DLG2: variants seen among roughly 807,000 people sequenced by gnomAD.
DLG2 encodes disks large homolog 2.
In DLG2, 45 loss-of-function variants were observed where a neutral mutation model predicts 132.5. That is an observed-to-expected ratio of 0.34 (90% CI 0.27 to 0.44). The LOEUF is 0.44. DLG2 is among the 20% of genes least tolerant of loss of function. The probability of loss-of-function intolerance (pLI) is 1.00; values close to 1 mark genes in which losing one functional copy is unlikely to be tolerated. For synonymous variants in DLG2, 424 were observed against 419.6 expected (o/e 1.01, Z -0.13); for missense variants, 1,045 against 1,196.9 (o/e 0.87, Z 1.87).
At chr11:85,214,003 C>T (rs2082413829) in intron 4 of DLG2, among the ~76,000 whole-genome samples, 1 of 152,138 alleles carries the variant, frequency 6.6e-6, no homozygotes, top group Admixed American at 6.6e-5. Context: ...ATAAGCTCTG[C>T]ATCTTACCTG....
At chr11:84,756,166 G>C (rs542272706) in intron 6 of DLG2, among the ~76,000 whole-genome samples, 2 of 152,236 alleles carry the variant, frequency 1.3e-5, no homozygotes, top group Admixed American at 6.5e-5. Context: ...TAACTAACTT[G>C]TAATAATTAT....
chr11:84,254,642 TGTTTA>T (rs2097436610), intron 7 of DLG2, among the ~76,000 whole-genome samples: 1 of 151,904 alleles, frequency 6.6e-6, no homozygotes, highest in African/African-American at 2.4e-5. Flanking sequence ...TTTCTTTCTT[TGTTTA>T]GTTACTATTA....
chr11:84,001,917 C>A (rs1023985519), intron 11 of DLG2, among the ~76,000 whole-genome samples: 2 of 151,948 alleles, frequency 1.3e-5, no homozygotes, highest in African/African-American at 4.8e-5. Context: ...ATACAACATA[C>A]CAAAATCTGT....
At chr11:85,473,014 C>G (rs756217700) in intron 3 of DLG2, among the ~76,000 whole-genome samples, 1 of 152,246 alleles carries the variant, frequency 6.6e-6, no homozygotes, top group African/African-American at 2.4e-5. Context: ...TTGCTGGCAT[C>G]TCCAAGTTTT....
At chr11:83,782,843 T>C (rs2094890362) in intron 18 of DLG2, among the ~76,000 whole-genome samples, 1 of 151,968 alleles carries the variant, frequency 6.6e-6, no homozygotes, top group African/African-American at 2.4e-5. Flanking sequence ...AAGGGGAAGG[T>C]TTCTGGGAAG....
chr11:84,623,254 C>T (rs769320430), intron 6 of DLG2, among the ~76,000 whole-genome samples: 9 of 151,960 alleles, frequency 5.9e-5, no homozygotes, highest in East Asian at 1.9e-4. Flanking sequence ...GGATAATCAA[C>T]GTAATGACCC....
At chr11:83,641,211 T>C (rs2066405823) in intron 18 of DLG2, among the ~76,000 whole-genome samples, 2 of 152,174 alleles carry the variant, frequency 1.3e-5, no homozygotes, top group Admixed American at 1.3e-4. Context: ...GTAAGTCTTA[T>C]AATCAATGAA....
chr11:85,063,406 T>C (rs1209444692), intron 6 of DLG2, among the ~76,000 whole-genome samples: 1 of 151,902 alleles, frequency 6.6e-6, no homozygotes, highest in Admixed American at 6.6e-5. Flanking sequence ...TGTACTTTTT[T>C]CTATTTTCCC....
At chr11:84,313,561 GGA>G (rs1195965062) in intron 7 of DLG2, among the ~76,000 whole-genome samples, 4 of 129,970 alleles carry the variant, frequency 3.1e-5, no homozygotes, top group Non-Finnish European at 5.0e-5. Context: ...AGGGAGGGAG[GGA>G]GGAGAGAGAG....
At chr11:85,467,269 A>C (rs908108770) in intron 3 of DLG2, among the ~76,000 whole-genome samples, 1 of 152,160 alleles carries the variant, frequency 6.6e-6, no homozygotes. Flanking sequence ...GGACAATTTG[A>C]CTTCCTCTTT....
chr11:85,547,599 T>G (rs2076414683), intron 3 of DLG2, among the ~76,000 whole-genome samples: 2 of 152,210 alleles, frequency 1.3e-5, no homozygotes, highest in South Asian at 4.1e-4. Flanking sequence ...GGTTCCATTC[T>G]CCTTGTCACT....
intron 7 of DLG2, among the ~76,000 whole-genome samples, chr11:84,365,250 T>C (rs1174027491): frequency 1.3e-5 from 2 of 152,212 alleles, no homozygotes; most frequent in Non-Finnish European, 2.9e-5. Context: ...GGAGAGTGTA[T>C]GTGCCGAGGA....
intron 6 of DLG2, among the ~76,000 whole-genome samples, chr11:84,585,693 C>T (rs1183732083): frequency 6.6e-6 from 1 of 152,152 alleles, no homozygotes; most frequent in Non-Finnish European, 1.5e-5. Context: ...GTTTATACAT[C>T]CTTTTTTGCA....
At chr11:84,332,209 T>C (rs1000236605) in intron 7 of DLG2, among the ~76,000 whole-genome samples, 9 of 151,100 alleles carry the variant, frequency 6.0e-5, no homozygotes, top group Non-Finnish European at 1.3e-4. Context: ...TTGTCCTTTT[T>C]TTTTTTTTTT....
intron 8 of DLG2, among the ~76,000 whole-genome samples, chr11:84,182,448 G>C (rs1040829165): frequency 6.6e-6 from 1 of 151,608 alleles, no homozygotes; most frequent in African/African-American, 2.4e-5. Context: ...GGAGGATCAC[G>C]TGCCCAGGAG....
intron 3 of DLG2, among the ~76,000 whole-genome samples, chr11:85,467,820 T>C (rs1213037143): frequency 2.0e-5 from 3 of 152,170 alleles, no homozygotes; most frequent in Non-Finnish European, 4.4e-5. Flanking sequence ...TGATGCTGGC[T>C]TCATAAAATG....
chr11:83,678,289 G>A (rs931187022), intron 18 of DLG2, among the ~76,000 whole-genome samples: 4 of 152,150 alleles, frequency 2.6e-5, no homozygotes, highest in Non-Finnish European at 5.9e-5. Context: ...CAAAACCAAC[G>A]CAGTGGAATT....
At chr11:84,087,622 T>A (rs1222919581) in intron 10 of DLG2, among the ~76,000 whole-genome samples, 1 of 152,186 alleles carries the variant, frequency 6.6e-6, no homozygotes, top group Non-Finnish European at 1.5e-5. Flanking sequence ...TCTTGGATTA[T>A]CCTGGGGTGT....
At chr11:85,016,997 C>T (rs924641382) in intron 6 of DLG2, among the ~76,000 whole-genome samples, 9 of 152,090 alleles carry the variant, frequency 5.9e-5, no homozygotes, top group Admixed American at 2.6e-4. Flanking sequence ...AAATTCTTAT[C>T]GAAAACAGCC....
Sources: allele counts gnomAD v4.1 joint callset (sites outside exome capture counted in the v4.1 genomes callset), GRCh38; gene constraint gnomAD v4.1.1; transcripts MANE v1.5; gene names NCBI Gene and HGNC (gene_info 2026-07-23, HGNC 2026-07-21).